The following CACNA2D1 variants were observed in gnomAD, a reference collection of about 807,000 sequenced individuals.
The protein encoded by CACNA2D1 is calcium voltage-gated channel auxiliary subunit alpha2delta 1.
CACNA2D1 carries 53 observed loss-of-function variants against 171.5 expected under a neutral mutation model. That is an observed-to-expected ratio of 0.31 (90% CI 0.25 to 0.39). The LOEUF is 0.39. Ranked by LOEUF, CACNA2D1 falls within the 10% of genes least tolerant of loss-of-function variation. CACNA2D1 has a pLI of 1.00. For missense variants in CACNA2D1, 903 were observed against 1,299.8 expected (o/e 0.69, Z 4.69); for synonymous variants, 442 against 443.1 (o/e 1.00, Z 0.03).
chr7:82,220,748 C>T (rs762093345), intron 3 of CACNA2D1, among the ~76,000 whole-genome samples: 4 of 150,236 alleles, frequency 2.7e-5, no homozygotes, highest in East Asian at 2.0e-4. Context: ...CAATAAAACT[C>T]GAGAAACAGA....
rs895442293 is a variant in CACNA2D1 at position 82,443,607 on chromosome 7, C to T, written c.-148G>A. The T allele has an allele frequency of 2.0e-5, 27 of 1,372,490 alleles. No homozygotes were observed. Among genetic ancestry groups the T allele is most frequent in the Non-Finnish European group, 2.3e-5 (25 of 1,068,378 alleles). 85.0% of individuals were successfully genotyped at this position (1,372,490 alleles called of 1,614,324 possible). On this transcript the variant is annotated 5_prime_UTR_variant, in exon 1 of 39. Transcript: ENST00000356860. ...GCGCCCGGGGCCCGAGGCGCGGAGC[C>T]GCGCGGGGGACGGCAAGGGCGGGAG...
chr7:82,236,375 A>G (rs1803590807), intron 3 of CACNA2D1, among the ~76,000 whole-genome samples: 1 of 152,070 alleles, frequency 6.6e-6, no homozygotes, highest in Non-Finnish European at 1.5e-5. Context: ...AGTGGTAGTC[A>G]ATAGTATAAT....
At chr7:82,053,027 C>A (rs1268789098) in intron 10 of CACNA2D1, among the ~76,000 whole-genome samples, 1 of 151,774 alleles carries the variant, frequency 6.6e-6, no homozygotes, top group South Asian at 2.1e-4. Context: ...CAGAGGCGGG[C>A]GGATCACAAG....
intron 1 of CACNA2D1, among the ~76,000 whole-genome samples, chr7:82,427,151 T>C (rs1405544272): frequency 1.3e-5 from 2 of 152,118 alleles, no homozygotes; most frequent in African/African-American, 4.8e-5. Flanking sequence ...AGTCCTTCAA[T>C]CAGATACAAA....
chr7:82,104,307 T>C (rs550848609), intron 6 of CACNA2D1, among the ~76,000 whole-genome samples: 1 of 152,126 alleles, frequency 6.6e-6, no homozygotes, highest in East Asian at 1.9e-4. Flanking sequence ...TTAGACAGAC[T>C]AAACAAAATG....
rs1232952039 is a variant in CACNA2D1 at position 82,099,419 on chromosome 7, CTTCTTTTTTTTTTTTTTT to C, written c.527-14537_527-14520del. Among the ~76,000 whole-genome samples the C allele has an allele frequency of 1.0e-3, 52 of 50,578 alleles. 7 individuals are homozygous for C. Among genetic ancestry groups the C allele is most frequent in the Non-Finnish European group, 1.9e-3 (42 of 22,512 alleles). 33.2% of individuals were successfully genotyped at this position (50,578 alleles called of 152,430 possible). ...CATACTCTAAAACAGGTAGCAATAC[CTTCTTTTTTTTTTTTTTT>C]TTTTTTTTTTTTTTTTTTTTTTTTT... On this transcript the variant is annotated intron_variant, in intron 6 of 38. Coordinates refer to ENST00000356860, the MANE Select transcript of CACNA2D1 (RefSeq NM_000722.4).
rs4018980 is a variant in CACNA2D1, at chr7:82,139,945, C to CTATTATTATTATTAT, written c.355-3284_355-3270dup. Reference sequence around the variant, plus strand: ...TACAGGCATTTGCCAACACACCTGGCTATTATTATTATTATTATTATTATT... The same window carrying CTATTATTATTATTAT: ...TACAGGCATTTGCCAACACACCTGGCTATTATTATTATTATTATTATTATTATTATTATTATTATT... On this transcript the variant is annotated intron_variant, in intron 4 of 38. Coordinates refer to ENST00000356860, the MANE Select transcript of CACNA2D1 (RefSeq NM_000722.4). Among the ~76,000 whole-genome samples, 1,268 of 142,942 alleles carry CTATTATTATTATTAT rather than the reference C, an allele frequency of 8.9e-3. 12 individuals are homozygous for CTATTATTATTATTAT. Among genetic ancestry groups the CTATTATTATTATTAT allele is most frequent in the African/African-American group, 0.026 (986 of 38,354 alleles). 93.8% of individuals were successfully genotyped at this position (142,942 alleles called of 152,430 possible).
chr7:82,158,818 T>C (rs1463379037), intron 4 of CACNA2D1, among the ~76,000 whole-genome samples: 1 of 151,892 alleles, frequency 6.6e-6, no homozygotes, highest in Non-Finnish European at 1.5e-5. Flanking sequence ...CTACACATGA[T>C]AGTTTTGATA....
chr7:82,330,498 C>T (rs1410552742), intron 3 of CACNA2D1, among the ~76,000 whole-genome samples: 1 of 152,024 alleles, frequency 6.6e-6, no homozygotes, highest in African/African-American at 2.4e-5. Context: ...AAACAACCAG[C>T]TACATTTATT....
At chr7:81,977,194 A>G (rs1031199813) in intron 24 of CACNA2D1, among the ~76,000 whole-genome samples, 2 of 152,194 alleles carry the variant, frequency 1.3e-5, no homozygotes, top group African/African-American at 4.8e-5. Flanking sequence ...GGTTTGTCAC[A>G]AATATCTCTT....
chr7:82,167,145 A>T (rs192063353), intron 4 of CACNA2D1, among the ~76,000 whole-genome samples: 1 of 152,250 alleles, frequency 6.6e-6, no homozygotes, highest in Non-Finnish European at 1.5e-5. Context: ...GGCATTAAAG[A>T]AATATTGCAC....
At chr7:82,359,298 A>G (rs943292470) in intron 1 of CACNA2D1, among the ~76,000 whole-genome samples, 7 of 152,198 alleles carry the variant, frequency 4.6e-5, no homozygotes. Context: ...TAATTCGAGC[A>G]TGTATTTAAT....
At chr7:82,288,434 C>T (rs1231718790) in intron 3 of CACNA2D1, among the ~76,000 whole-genome samples, 1 of 149,852 alleles carries the variant, frequency 6.7e-6, no homozygotes, top group Non-Finnish European at 1.5e-5. Context: ...CACACACACA[C>T]ACACACACAC....
chr7:82,400,525 C>T (rs1826267334), intron 1 of CACNA2D1, among the ~76,000 whole-genome samples: 1 of 151,642 alleles, frequency 6.6e-6, no homozygotes, highest in Non-Finnish European at 1.5e-5. Context: ...AAACTGGATC[C>T]CTTCCTTACA....
chr7:82,078,340 G>A (rs146851267), intron 7 of CACNA2D1, among the ~76,000 whole-genome samples: 57 of 152,206 alleles, frequency 3.7e-4, no homozygotes, highest in African/African-American at 1.3e-3. Flanking sequence ...ATGAACCACT[G>A]ATTCCTAATA....
chr7:82,181,408 C>G (rs1160239690), intron 3 of CACNA2D1, among the ~76,000 whole-genome samples: 1 of 152,196 alleles, frequency 6.6e-6, no homozygotes, highest in Non-Finnish European at 1.5e-5. Flanking sequence ...TAGAACAGTA[C>G]TTCTCAAAGT....
Position 81,970,881 on chromosome 7 carries a change from A to G in CACNA2D1, c.2142-144T>C, listed in dbSNP as rs37067. 407,418 of 640,562 alleles carry G rather than the reference A, an allele frequency of 0.64. 130,192 individuals are homozygous for G. The highest frequency in any genetic ancestry group is 0.67 in the East Asian group (23,900 of 35,866). The allele number at this position is 640,562 out of a possible 1,614,324, so 39.7% of individuals were successfully genotyped here. On this transcript the variant is annotated intron_variant, in intron 26 of 38. Transcript: ENST00000356860. ...ACACAACTATGTTTTAATAATTTAA[A>G]TATCTATTAAATTTGTACTTGAAGG...
chr7:82,036,674 C>T (rs980010586), intron 11 of CACNA2D1, among the ~76,000 whole-genome samples: 1 of 152,100 alleles, frequency 6.6e-6, no homozygotes, highest in African/African-American at 2.4e-5. Flanking sequence ...CCAGCACCAG[C>T]ACTATGACAG....
chr7:82,252,263 T>C (rs1563261645), intron 3 of CACNA2D1, among the ~76,000 whole-genome samples: 1 of 152,162 alleles, frequency 6.6e-6, no homozygotes, highest in African/African-American at 2.4e-5. Context: ...ATGTAATCCT[T>C]ACAACTATGC....
Sources: allele counts gnomAD v4.1 joint callset (sites outside exome capture counted in the v4.1 genomes callset), GRCh38; gene constraint gnomAD v4.1.1; transcripts MANE v1.5; gene names NCBI Gene and HGNC (gene_info 2026-07-23, HGNC 2026-07-21).